Variants in LRRC38 observed in about 807,000 individuals in gnomAD.
LRRC38 encodes the protein leucine rich repeat containing 38, also known as leucine-rich repeat-containing protein 38.
In LRRC38, 5 loss-of-function variants were observed where a neutral mutation model predicts 16.4. The observed-to-expected ratio is 0.31, with a 90% CI of 0.16 to 0.64. LRRC38 has a LOEUF of 0.64. Among genes scored for constraint, LRRC38 ranks in the 30% least tolerant of loss-of-function variants. The pLI is 0.80. For synonymous variants in LRRC38, 191 were observed against 190.2 expected, an observed-to-expected ratio of 1.00 and a Z score of -0.04; for missense variants, 341 against 401.8, an observed-to-expected ratio of 0.85 and a Z score of 1.29.
chr1:13,478,300 C>T (rs940361249), intron 1 of LRRC38, among the ~76,000 whole-genome samples: 16 of 152,192 alleles, frequency 1.1e-4, no homozygotes, highest in South Asian at 6.2e-4. Flanking sequence ...TCACTACACA[C>T]GTTTTTACTC....
At position 13,497,591 on chromosome 1, in the gene LRRC38, T is replaced by G. The variant is rs185919218; in HGVS notation, c.631+15372A>C. Among the ~76,000 whole-genome samples, 5 of 151,700 alleles carry G rather than the reference T, an allele frequency of 3.3e-5. No homozygotes were observed. In the East Asian group the frequency reaches 9.8e-4, roughly 30 times the overall value. On this transcript the variant is annotated intron_variant, in intron 1 of 1. Transcript: ENST00000376085. ...TTGGCTTCCTCTCTGGGGGAATCAC[T>G]CCATATAAACTGGAGCGATTCTGAA...
chr1:13,475,731 C>G lies in LRRC38; in HGVS notation c.*115G>C. 1 of 1,359,392 alleles carries G rather than the reference C, an allele frequency of 7.4e-7. No individual in the cohort carries two copies. The highest frequency in any genetic ancestry group is 9.9e-7 in the Non-Finnish European group (1 of 1,007,390). The allele number at this position is 1,359,392 out of a possible 1,614,324, so 84.2% of individuals were successfully genotyped here. A position where few individuals can be genotyped will look rare whatever the true frequency, so the allele number is the denominator to read the frequency against. Reference sequence around the variant, plus strand: ...CAGGGGCCAAGACACGGAACAGGCTCTGTTCAGTTCACAGATGGTGGCCAG... The same window carrying G: ...CAGGGGCCAAGACACGGAACAGGCTGTGTTCAGTTCACAGATGGTGGCCAG... On this transcript the variant is annotated 3_prime_UTR_variant, in exon 2 of 2. Transcript: ENST00000376085. The surrounding 1 kb of genome is among the most constrained non-coding windows in gnomAD (Gnocchi z 4.3).
At chr1:13,504,018 G>A (rs946650028) in intron 1 of LRRC38, among the ~76,000 whole-genome samples, 1 of 152,224 alleles carries the variant, frequency 6.6e-6, no homozygotes, top group Non-Finnish European at 1.5e-5. Context: ...TGTCTGCGTG[G>A]GTTGTCACAC....
rs1407674184 is a variant in LRRC38, at chr1:13,476,029, G to A, written c.702C>T (p.Ala234=). The A allele has an allele frequency of 1.3e-6, 2 of 1,550,508 alleles. No individual in the cohort carries two copies. Among genetic ancestry groups the A allele is most frequent in the South Asian group, 1.2e-5 (1 of 84,040 alleles). ...GGCTGAACCTACACTCGCTGAAGCT[G>A]GCCTCCGACAGCTCACGCAGGGATA... is the stretch of plus-strand genomic sequence containing the variant. ...RRISLRELSE[A]SFSECRFSLS... Residue 234 remains alanine, a synonymous_variant, in exon 2 of 2, where the codon GCC becomes GCT. Coordinates refer to ENST00000376085, the MANE Select transcript of LRRC38 (RefSeq NM_001010847.2).
chr1:13,479,850 T>C (rs1487280588), intron 1 of LRRC38, among the ~76,000 whole-genome samples: 6 of 152,228 alleles, frequency 3.9e-5, no homozygotes, highest in Admixed American at 6.5e-5. Flanking sequence ...AGACTTGGCA[T>C]AGGCAGACTC....
In LRRC38 at chr1:13,475,760, T is replaced by G. The variant is rs769319864; in HGVS notation, c.*86A>C. 1.3e-6 allele frequency: 2 copies of G among 1,492,126 alleles called. No homozygotes were observed. Among genetic ancestry groups the G allele is most frequent in the Non-Finnish European group, 1.8e-6 (2 of 1,115,476 alleles). The allele number at this position is 1,492,126 out of a possible 1,614,324, so 92.4% of individuals were successfully genotyped here. A position where few individuals can be genotyped will look rare whatever the true frequency, so the allele number is the denominator to read the frequency against. ...TCAGTTCACAGATGGTGGCCAGTGC[T>G]TTTCCATTTTCAGCATTTCCCTCTC... On this transcript the variant is annotated 3_prime_UTR_variant, in exon 2 of 2. Coordinates refer to ENST00000376085, the MANE Select transcript of LRRC38 (RefSeq NM_001010847.2). The surrounding 1 kb of genome is among the most constrained non-coding windows in gnomAD (Gnocchi z 4.3).
In LRRC38 at chr1:13,513,377, C is replaced by A. The variant is rs1048724553; in HGVS notation, c.217G>T (p.Glu73Ter). The A allele has an allele frequency of 6.4e-7, 1 of 1,550,600 alleles. No homozygotes were observed. Among genetic ancestry groups the A allele is most frequent in the African/African-American group, 1.4e-5 (1 of 73,036 alleles). ...TCGCCGTAGAAGATGAAGAAGTCCT[C>A]GGGGATCCGCTGGATGCGGTTGCCG... ...VAGNRIQRIP[E>*]DFFIFYGDLV... Residue 73 changes from glutamate to a stop codon, truncating the protein, a stop_gained, in exon 1 of 2, where the codon GAG (glutamate) becomes TAG (stop). Transcript: ENST00000376085. LOFTEE classifies it high-confidence loss of function.
chr1:13,479,653 G>A (rs1230052318), intron 1 of LRRC38, among the ~76,000 whole-genome samples: 2 of 152,218 alleles, frequency 1.3e-5, no homozygotes, highest in African/African-American at 4.8e-5. Context: ...ACTTTAGAAC[G>A]GCAGTGCTTA....
In LRRC38 at chr1:13,489,501, T is replaced by C. The variant is rs142349926; in HGVS notation, c.632-13402A>G. 4.3e-3 allele frequency among the ~76,000 whole-genome samples: 632 copies of C among 147,054 alleles called. 5 individuals carry two copies. Among genetic ancestry groups the C allele is most frequent in the African/African-American group, 0.015 (608 of 40,636 alleles). ...ACTTGGGCAATTTGTCTAAGGCCACTTGGAGTCTGGACTGGAACCCAGGTC... is the reference window on the plus strand; with the variant it reads ...ACTTGGGCAATTTGTCTAAGGCCACCTGGAGTCTGGACTGGAACCCAGGTC... On this transcript the variant is annotated intron_variant, in intron 1 of 1. Transcript: ENST00000376085.
At chr1:13,488,032 TTGTGTGTGTGTGTG>T (rs71570140) in intron 1 of LRRC38, among the ~76,000 whole-genome samples, 2 of 147,104 alleles carry the variant, frequency 1.4e-5, no homozygotes, top group Non-Finnish European at 3.0e-5. Flanking sequence ...TTGTGTGTGT[TTGTGTGTGTGTGTG>T]TGTGTGTGTG....
chr1:13,513,462 G>C lies in LRRC38; in HGVS notation c.132C>G (p.Asp44Glu). ...CTDPHTVDCR[D>E]RGLPSVPDPF... ...GGTCTGGCACGCTGGGCAGCCCGCG[G>C]TCGCGGCAGTCCACGGTGTGCGGGT... Residue 44 changes from aspartate (D) to glutamate (E), a missense_variant, in exon 1 of 2, where the codon GAC becomes GAG. Coordinates refer to ENST00000376085, the MANE Select transcript of LRRC38 (RefSeq NM_001010847.2). 6.5e-7 allele frequency: 1 copy of C among 1,546,906 alleles called. No homozygotes were observed. Among genetic ancestry groups the C allele is most frequent in the Non-Finnish European group, 8.7e-7 (1 of 1,144,830 alleles).
At chr1:13,479,497 T>G (rs932668097) in intron 1 of LRRC38, among the ~76,000 whole-genome samples, 2 of 152,228 alleles carry the variant, frequency 1.3e-5, no homozygotes, top group African/African-American at 4.8e-5. Context: ...TCAGTTCTGA[T>G]TTCCACAATG....
At chr1:13,478,331 G>A (rs1638811694) in intron 1 of LRRC38, among the ~76,000 whole-genome samples, 1 of 152,202 alleles carries the variant, frequency 6.6e-6, no homozygotes, top group South Asian at 2.1e-4. Flanking sequence ...TATGAGGTAA[G>A]TACTGTTATT....
rs566219490 is a variant in LRRC38 at position 13,492,951 on chromosome 1, C to G, written c.632-16852G>C. On this transcript the variant is annotated intron_variant, in intron 1 of 1. Coordinates refer to ENST00000376085, the MANE Select transcript of LRRC38 (RefSeq NM_001010847.2). Reference sequence around the variant, plus strand: ...TAACCTCCGACCACGTGAGTCCCGTCGCTCTTGGGAGTTCCCTGGGGGCCA... The same window carrying G: ...TAACCTCCGACCACGTGAGTCCCGTGGCTCTTGGGAGTTCCCTGGGGGCCA... Among the ~76,000 whole-genome samples the G allele has an allele frequency of 4.6e-3, 690 of 150,604 alleles. 1 individual carries two copies. Among genetic ancestry groups the G allele is most frequent in the Admixed American group, 8.8e-3 (131 of 14,876 alleles).
intron 1 of LRRC38, among the ~76,000 whole-genome samples, chr1:13,490,503 A>G (rs1024278988): frequency 1.3e-5 from 2 of 152,128 alleles, no homozygotes; most frequent in Non-Finnish European, 2.9e-5. Context: ...AGTTTCCACT[A>G]TCCCCACTGA....
rs1639243606 is a variant in LRRC38, at chr1:13,509,024, A to T, written c.631+3939T>A. Among the ~76,000 whole-genome samples, 5 of 152,126 alleles carry T rather than the reference A, an allele frequency of 3.3e-5. No homozygotes were observed. In the South Asian group the frequency reaches 1.0e-3, roughly 31 times the overall value. On this transcript the variant is annotated intron_variant, in intron 1 of 1. Transcript: ENST00000376085. ...ATCTTCAGGGTCTGCCCCATGGGGT[A>T]CCCAAGCCCCCGAATGCTCAGATGC...
At chr1:13,500,548 C>T in intron 1 of LRRC38, among the ~76,000 whole-genome samples, 1 of 152,196 alleles carries the variant, frequency 6.6e-6, no homozygotes, top group Non-Finnish European at 1.5e-5. Flanking sequence ...TGGAGGCCCC[C>T]TCCCCACTTC....
At chr1:13,507,478 A>G (rs1372328055) in intron 1 of LRRC38, among the ~76,000 whole-genome samples, 1 of 152,242 alleles carries the variant, frequency 6.6e-6, no homozygotes, top group Non-Finnish European at 1.5e-5. Flanking sequence ...AATTAAAGCA[A>G]TAAGGAGATG....
At chr1:13,485,561 A>C (rs1557496649) in intron 1 of LRRC38, among the ~76,000 whole-genome samples, 1 of 151,718 alleles carries the variant, frequency 6.6e-6, no homozygotes, top group South Asian at 2.1e-4. Flanking sequence ...GCGAGACTCC[A>C]TCTCAAAAAA....
Sources: allele counts gnomAD v4.1 joint callset (sites outside exome capture counted in the v4.1 genomes callset), GRCh38; gene constraint gnomAD v4.1.1; non-coding constraint Gnocchi (gnomAD v3.1); transcripts MANE v1.5; gene names NCBI Gene and HGNC (gene_info 2026-07-23, HGNC 2026-07-21).